Variants in MLLT10 observed in about 807,000 individuals in gnomAD.
MLLT10 encodes the protein MLLT10 histone lysine methyltransferase DOT1L cofactor, also known as protein AF-10.
Under a neutral mutation model 129.1 loss-of-function variants are expected in MLLT10, and 30 were observed. The ratio of observed to expected loss-of-function variants is 0.23; its 90% confidence interval spans 0.17 to 0.32. The LOEUF is 0.32. Ranked by LOEUF, MLLT10 falls within the 10% of genes least tolerant of loss-of-function variation. The probability of loss-of-function intolerance (pLI) is 1.00; values close to 1 mark genes in which losing one functional copy is unlikely to be tolerated. For missense variants in MLLT10, 1,119 were observed against 1,268.3 expected (o/e 0.88, Z 1.79); for synonymous variants, 490 against 446.4 (o/e 1.10, Z -1.23).
intron 6 of MLLT10, among the ~76,000 whole-genome samples, chr10:21,613,111 T>A (rs985790989): frequency 6.7e-6 from 1 of 148,736 alleles, no homozygotes; most frequent in Non-Finnish European, 1.5e-5. Flanking sequence ...AGAGAATCGC[T>A]TAAACCTGGG....
At chr10:21,559,535 A>G (rs2038525199) in intron 3 of MLLT10, among the ~76,000 whole-genome samples, 1 of 152,226 alleles carries the variant, frequency 6.6e-6, no homozygotes, top group Non-Finnish European at 1.5e-5. Flanking sequence ...CATTAAGTAC[A>G]TTCACAGTGT....
intron 21 of MLLT10, among the ~76,000 whole-genome samples, chr10:21,739,464 C>G (rs902239959): frequency 6.6e-6 from 1 of 152,232 alleles, no homozygotes; most frequent in Non-Finnish European, 1.5e-5. Context: ...TCCAGACTTT[C>G]TCATACACAG....
intron 2 of MLLT10, among the ~76,000 whole-genome samples, chr10:21,537,321 G>A (rs575106926): frequency 1.3e-4 from 19 of 151,856 alleles, no homozygotes; most frequent in South Asian, 4.2e-4. Flanking sequence ...TTTTTGAGGC[G>A]GAGACTCCCT....
intron 16 of MLLT10, among the ~76,000 whole-genome samples, chr10:21,730,468 CCTTTTACA>C (rs1446243844): frequency 1.6e-4 from 25 of 151,932 alleles, no homozygotes; most frequent in East Asian, 1.3e-3. Context: ...AATTCAAATA[CCTTTTACA>C]GTATTATACT....
intron 13 of MLLT10, among the ~76,000 whole-genome samples, chr10:21,708,976 C>A (rs1162543807): frequency 1.3e-5 from 2 of 152,074 alleles, no homozygotes; most frequent in African/African-American, 4.8e-5. Flanking sequence ...CACAAAAAGT[C>A]TTTAAGGTAG....
intron 3 of MLLT10, among the ~76,000 whole-genome samples, chr10:21,560,091 C>T (rs1294522361): frequency 2.0e-5 from 3 of 152,076 alleles, no homozygotes; most frequent in Non-Finnish European, 2.9e-5. Context: ...CTGCATCCTC[C>T]GCCTTCCGGG....
chr10:21,611,519 G>A (rs868340179), intron 5 of MLLT10, among the ~76,000 whole-genome samples: 1 of 152,116 alleles, frequency 6.6e-6, no homozygotes, highest in Admixed American at 6.6e-5. Flanking sequence ...TGTATCACCT[G>A]ATTATATGTA....
rs61561146 is a variant in MLLT10, at chr10:21,593,926, TAAAAAAAAAAAAAAA to T, written c.296-1387_296-1373del. Reference sequence around the variant, plus strand: ...GGGCGACAGACCAAGGCTTTGTCTTTAAAAAAAAAAAAAAAAAAAAAAAAAAAAAAAAGGTGGAAA... The same window carrying T: ...GGGCGACAGACCAAGGCTTTGTCTTTAAAAAAAAAAAAAAAAAGGTGGAAA... On this transcript the variant is annotated intron_variant, in intron 4 of 22. Coordinates refer to ENST00000307729, the MANE Select transcript of MLLT10 (RefSeq NM_001195626.3). 3.6e-3 allele frequency among the ~76,000 whole-genome samples: 165 copies of T among 45,434 alleles called. 1 individual carries two copies. The highest frequency in any genetic ancestry group is 6.0e-3 in the African/African-American group (57 of 9,430). 29.8% of individuals were successfully genotyped at this position (45,434 alleles called of 152,430 possible). A position where few individuals can be genotyped will look rare whatever the true frequency, so the allele number is the denominator to read the frequency against.
chr10:21,633,818 T>G lies in MLLT10; in HGVS notation c.699+16611T>G, dbSNP rs185298976. On this transcript the variant is annotated intron_variant, in intron 8 of 22. Coordinates refer to ENST00000307729, the MANE Select transcript of MLLT10 (RefSeq NM_001195626.3). ...CCACAATGTAATTAGCTTAGGAAAT[T>G]TAACATTAATATAATACTATTAAAA... is the stretch of plus-strand genomic sequence containing the variant. Among the ~76,000 whole-genome samples the G allele has an allele frequency of 4.7e-3, 717 of 152,298 alleles. 2 individuals are homozygous for G. The highest frequency in any genetic ancestry group is 7.2e-3 in the Non-Finnish European group (488 of 68,022).
intron 13 of MLLT10, among the ~76,000 whole-genome samples, chr10:21,703,854 A>T (rs1423575752): frequency 1.3e-5 from 2 of 151,026 alleles, no homozygotes; most frequent in Non-Finnish European, 3.0e-5. Context: ...CAGACCTGGG[A>T]AGTTTTAATC....
At chr10:21,736,589 T>G (rs1486115856) in intron 21 of MLLT10, among the ~76,000 whole-genome samples, 1 of 152,308 alleles carries the variant, frequency 6.6e-6, no homozygotes, top group African/African-American at 2.4e-5. Context: ...CCAAGATGTT[T>G]TGAAGACAGA....
chr10:21,546,280 G>A (rs1430256472), intron 3 of MLLT10, among the ~76,000 whole-genome samples: 2 of 152,056 alleles, frequency 1.3e-5, no homozygotes, highest in Non-Finnish European at 2.9e-5. Context: ...GTTTCACAAT[G>A]TTGCTCAGGC....
intron 8 of MLLT10, among the ~76,000 whole-genome samples, chr10:21,633,802 A>T (rs917647115): frequency 6.6e-6 from 1 of 152,254 alleles, no homozygotes; most frequent in African/African-American, 2.4e-5. Flanking sequence ...GCCACAATGT[A>T]ATTAGCTTAG....
chr10:21,667,322 A>C (rs1159404363), intron 9 of MLLT10, among the ~76,000 whole-genome samples: 1 of 150,110 alleles, frequency 6.7e-6, no homozygotes, highest in East Asian at 1.9e-4. Flanking sequence ...ACTTTTCTTC[A>C]TATTTATTTT....
chr10:21,727,033 A>G (rs1362518065), intron 15 of MLLT10, among the ~76,000 whole-genome samples: 1 of 152,132 alleles, frequency 6.6e-6, no homozygotes, highest in Non-Finnish European at 1.5e-5. Context: ...TGCATCCTTA[A>G]GGATTGGTTG....
intron 3 of MLLT10, among the ~76,000 whole-genome samples, chr10:21,562,072 C>G (rs2130999956): frequency 6.6e-6 from 1 of 152,266 alleles, no homozygotes; most frequent in East Asian, 1.9e-4. Flanking sequence ...TTCCAAAGTG[C>G]TGGGATTACA....
At chr10:21,591,337 A>G (rs1450283245) in intron 4 of MLLT10, among the ~76,000 whole-genome samples, 6 of 152,238 alleles carry the variant, frequency 3.9e-5, no homozygotes, top group Middle Eastern at 3.4e-3. Flanking sequence ...CTATGTCTCA[A>G]GTTTTGATAA....
At chr10:21,643,826 A>G (rs1435981801) in intron 8 of MLLT10, among the ~76,000 whole-genome samples, 1 of 152,116 alleles carries the variant, frequency 6.6e-6, no homozygotes, top group Non-Finnish European at 1.5e-5. Context: ...GTTTGAATAT[A>G]CCTTCTGTTC....
At chr10:21,539,786 A>G (rs955796002) in intron 3 of MLLT10, among the ~76,000 whole-genome samples, 3 of 152,020 alleles carry the variant, frequency 2.0e-5, no homozygotes, top group African/African-American at 7.2e-5. Flanking sequence ...AAGAAAAACA[A>G]ATTACAAACA....
Sources: allele counts gnomAD v4.1 joint callset (sites outside exome capture counted in the v4.1 genomes callset), GRCh38; gene constraint gnomAD v4.1.1; transcripts MANE v1.5; gene names NCBI Gene and HGNC (gene_info 2026-07-23, HGNC 2026-07-21).